Variants in CACNA2D3 observed in about 807,000 individuals in gnomAD.
CACNA2D3 encodes calcium voltage-gated channel auxiliary subunit alpha2delta 3.
CACNA2D3 carries 60 observed loss-of-function variants against 160.6 expected under a neutral mutation model. The observed-to-expected ratio is 0.37, with a 90% CI of 0.30 to 0.46. CACNA2D3 has a LOEUF of 0.46. Ranked by LOEUF, CACNA2D3 falls within the 20% of genes least tolerant of loss-of-function variation. The pLI is 1.00. For missense variants in CACNA2D3, 1,205 were observed against 1,365.0 expected, an observed-to-expected ratio of 0.88 and a Z score of 1.85; for synonymous variants, 558 against 492.9, an observed-to-expected ratio of 1.13 and a Z score of -1.75.
At chr3:54,554,870 C>CTCTTTTTTT (rs1274391923) in intron 5 of CACNA2D3, among the ~76,000 whole-genome samples, 5 of 96,136 alleles carry the variant, frequency 5.2e-5, no homozygotes, top group Admixed American at 3.9e-4. Flanking sequence ...CTCTCACTCT[C>CTCTTTTTTT]TTTTTTTTTT....
intron 2 of CACNA2D3, among the ~76,000 whole-genome samples, chr3:54,129,897 T>C (rs1266620559): frequency 6.6e-6 from 1 of 152,220 alleles, no homozygotes; most frequent in Non-Finnish European, 1.5e-5. Context: ...TAATGCTTGC[T>C]GATGGGGAAG....
intron 9 of CACNA2D3, among the ~76,000 whole-genome samples, chr3:54,609,827 G>A (rs1698712714): frequency 6.6e-6 from 1 of 152,148 alleles, no homozygotes; most frequent in African/African-American, 2.4e-5. Flanking sequence ...TTTGTAGGTG[G>A]TGATTTGGGA....
At chr3:54,541,060 G>C (rs530779965) in intron 5 of CACNA2D3, among the ~76,000 whole-genome samples, 4 of 151,934 alleles carry the variant, frequency 2.6e-5, no homozygotes, top group African/African-American at 7.3e-5. Flanking sequence ...GGCAGATCAC[G>C]AGGTCAGGAT....
rs1291527729 is a variant in CACNA2D3 at position 54,619,191 on chromosome 3, G to GTT, written c.964-8595_964-8594insTT. ...TTAGTTCCCTGAGATGCACTGACAA[G>GTT]TCCACATGACCTCACAAGAAGGACG... is the stretch of plus-strand genomic sequence containing the variant. On this transcript the variant is annotated intron_variant, in intron 9 of 37. Transcript: ENST00000474759. Among the ~76,000 whole-genome samples the GTT allele has an allele frequency of 2.6e-5, 4 of 152,242 alleles. No homozygotes were observed. In the East Asian group the frequency reaches 7.7e-4, roughly 29 times the overall value.
intron 11 of CACNA2D3, among the ~76,000 whole-genome samples, chr3:54,645,380 C>G (rs559985342): frequency 6.6e-6 from 1 of 152,156 alleles, no homozygotes; most frequent in Non-Finnish European, 1.5e-5. Context: ...CAAACCATAT[C>G]GTTATTCTAT....
At chr3:54,981,537 A>G (rs1051676498) in intron 29 of CACNA2D3, among the ~76,000 whole-genome samples, 10 of 152,088 alleles carry the variant, frequency 6.6e-5, no homozygotes, top group African/African-American at 2.4e-4. Flanking sequence ...AGAGAGAGAG[A>G]GAAAGGGGGG....
chr3:54,417,965 G>A (rs1316446976), intron 4 of CACNA2D3, among the ~76,000 whole-genome samples: 2 of 152,094 alleles, frequency 1.3e-5, no homozygotes, highest in Non-Finnish European at 2.9e-5. Context: ...TTTTACATTT[G>A]TAATAGGAGA....
rs71637562 is a variant in CACNA2D3 at position 54,595,313 on chromosome 3, G to GGTGT, written c.963+13475_963+13478dup. Among the ~76,000 whole-genome samples, 626 of 132,218 alleles carry GGTGT rather than the reference G, an allele frequency of 4.7e-3. 7 individuals carry two copies. Among genetic ancestry groups the GGTGT allele is most frequent in the East Asian group, 0.012 (57 of 4,908 alleles). The allele number at this position is 132,218 out of a possible 152,430, so 86.7% of individuals were successfully genotyped here. ...GGTCTGCTGAAAGCTCTGTGTGTGT[G>GGTGT]GTGTGTGTGTGTGTGTGTGTGTGTG... is the stretch of plus-strand genomic sequence containing the variant. On this transcript the variant is annotated intron_variant, in intron 9 of 37. Transcript: ENST00000474759.
At chr3:55,051,360 A>G (rs376774856) in intron 35 of CACNA2D3, among the ~76,000 whole-genome samples, 7,233 of 150,670 alleles carry the variant, frequency 0.048, 383 homozygotes, top group African/African-American at 0.13. Flanking sequence ...GGAATACCCT[A>G]CCGTGTGAGG....
intron 13 of CACNA2D3, among the ~76,000 whole-genome samples, chr3:54,787,361 C>T (rs1476807106): frequency 2.0e-5 from 3 of 152,292 alleles, no homozygotes; most frequent in Non-Finnish European, 2.9e-5. Context: ...AAATCTAAAT[C>T]ATGATGTATC....
chr3:54,279,964 C>T (rs1257434434), intron 2 of CACNA2D3, among the ~76,000 whole-genome samples: 4 of 152,142 alleles, frequency 2.6e-5, no homozygotes, highest in Non-Finnish European at 5.9e-5. Context: ...GTGGTAGGGG[C>T]CAGCCTAGGC....
chr3:54,826,246 C>T (rs1490553097), intron 14 of CACNA2D3, among the ~76,000 whole-genome samples: 2 of 152,138 alleles, frequency 1.3e-5, no homozygotes, highest in Admixed American at 1.3e-4. Flanking sequence ...ATGTAGCCCA[C>T]TTCCATGAGA....
At chr3:55,024,109 T>G (rs1559466705) in intron 35 of CACNA2D3, among the ~76,000 whole-genome samples, 1 of 132,458 alleles carries the variant, frequency 7.5e-6, no homozygotes, top group Non-Finnish European at 1.6e-5. Flanking sequence ...AGTACTGAAG[T>G]GTACGGTTCA....
At chr3:54,893,324 A>G (rs1195146567) in intron 25 of CACNA2D3, among the ~76,000 whole-genome samples, 3 of 152,154 alleles carry the variant, frequency 2.0e-5, no homozygotes, top group Non-Finnish European at 4.4e-5. Context: ...TTGGGAAGCT[A>G]AAAATTCCTA....
At chr3:54,595,321 T>TGTGGGGGG (rs373756731) in intron 9 of CACNA2D3, among the ~76,000 whole-genome samples, 1 of 131,686 alleles carries the variant, frequency 7.6e-6, no homozygotes, top group African/African-American at 2.7e-5. Flanking sequence ...GTGGTGTGTG[T>TGTGGGGGG]GTGTGTGTGT....
chr3:55,033,616 A>C (rs944523815), intron 35 of CACNA2D3, among the ~76,000 whole-genome samples: 1 of 138,790 alleles, frequency 7.2e-6, no homozygotes, highest in Non-Finnish European at 1.5e-5. Flanking sequence ...ATCTCCTTGA[A>C]GTATCTGAAA....
intron 4 of CACNA2D3, among the ~76,000 whole-genome samples, chr3:54,475,499 T>G (rs921581959): frequency 2.0e-5 from 3 of 152,102 alleles, no homozygotes; most frequent in South Asian, 4.1e-4. Context: ...AATCTTCTTT[T>G]AAGAAAGTTA....
chr3:54,717,438 T>A (rs1369791035), intron 11 of CACNA2D3, among the ~76,000 whole-genome samples: 1 of 152,206 alleles, frequency 6.6e-6, no homozygotes, highest in African/African-American at 2.4e-5. Flanking sequence ...AAGAGCATTT[T>A]AGTTTATCTT....
intron 2 of CACNA2D3, among the ~76,000 whole-genome samples, chr3:54,202,743 A>C (rs34319308): frequency 1.3e-5 from 2 of 152,228 alleles, no homozygotes. Flanking sequence ...AGACATAGGT[A>C]AGAAGACCAT....
Sources: allele counts gnomAD v4.1 joint callset (sites outside exome capture counted in the v4.1 genomes callset), GRCh38; gene constraint gnomAD v4.1.1; transcripts MANE v1.5; gene names NCBI Gene and HGNC (gene_info 2026-07-23, HGNC 2026-07-21).